Variants in MTMR6 observed in about 807,000 individuals in gnomAD.
MTMR6 encodes phosphatidylinositol-3,5-bisphosphate 3-phosphatase MTMR6.
MTMR6 carries 47 observed loss-of-function variants against 80.1 expected under a neutral mutation model. That is an observed-to-expected ratio of 0.59 (90% CI 0.46 to 0.75). MTMR6 has a LOEUF of 0.75. Among genes scored for constraint, MTMR6 ranks in the 30% least tolerant of loss-of-function variants. The probability of loss-of-function intolerance (pLI) is 0.00; values close to 1 mark genes in which losing one functional copy is unlikely to be tolerated. For synonymous variants in MTMR6, 254 were observed against 253.0 expected (o/e 1.00, Z -0.04); for missense variants, 629 against 730.9 (o/e 0.86, Z 1.61).
In MTMR6 at chr13:25,266,194, C is replaced by T. The variant is rs2137569583; in HGVS notation, c.397G>A (p.Glu133Lys). The T allele has an allele frequency of 6.2e-7, 1 of 1,614,128 alleles. No individual in the cohort carries two copies. The highest frequency in any genetic ancestry group is 2.2e-5 in the East Asian group (1 of 44,878). The change falls in exon 4 of 14, where the codon GAA (glutamate) becomes AAA (lysine). Residue 133 changes from glutamate (E) to lysine (K), a missense_variant. Transcript: ENST00000381801. ...TTTGGCACTCCCATCCTCTTATATT[C>T]CTCAGCGAGATCAATGAGCTGCCAG... is the stretch of plus-strand genomic sequence containing the variant. ...QGWQLIDLAE[E>K]YKRMGVPNSH...
In MTMR6 at chr13:25,254,480, TTTTG is replaced by T. The variant is rs772967687; in HGVS notation, c.1096-50_1096-47del. ...TTCACTTTCTGACTACTTTCAATTA[TTTTG>T]TTTAGGCTGGATTAAATCTTATTAG... On this transcript the variant is annotated intron_variant, in intron 9 of 13. Transcript: ENST00000381801. The T allele has an allele frequency of 2.4e-6, 3 of 1,228,018 alleles. No homozygotes were observed. In the Admixed American group the frequency reaches 5.4e-5, roughly 22 times the overall value. 76.1% of individuals were successfully genotyped at this position (1,228,018 alleles called of 1,614,324 possible). A position where few individuals can be genotyped will look rare whatever the true frequency, so the allele number is the denominator to read the frequency against.
chr13:25,265,973 CA>C (rs1167628673), intron 4 of MTMR6, 26 bp from the exon 5 acceptor site: 2 of 1,608,150 alleles, frequency 1.2e-6, no homozygotes, highest in African/African-American at 2.7e-5. Flanking sequence ...AAAACATAAC[CA>C]TTGTATTCTT....
rs890912317 is a variant in MTMR6 at position 25,249,085 on chromosome 13, G to T, written c.*147C>A. The stretch of plus-strand genomic sequence containing the variant: ...TAAAATGACTTATTTCTCTCACAAG[G>T]GTAGTTATTATCCTTCCTTCAACTA... On this transcript the variant is annotated 3_prime_UTR_variant, in exon 14 of 14. Transcript: ENST00000381801. 1.2e-5 allele frequency: 9 copies of T among 729,536 alleles called. No individual in the cohort carries two copies. In the African/African-American group the frequency reaches 1.6e-4, roughly 13 times the overall value. 45.2% of individuals were successfully genotyped at this position (729,536 alleles called of 1,614,324 possible). A position where few individuals can be genotyped will look rare whatever the true frequency, so the allele number is the denominator to read the frequency against.
rs747865911 is a variant in MTMR6 at position 25,247,493 on chromosome 13, T to G, written c.*1739A>C. ...TGTCTGAAGTTGAAGATTAAGATAA[T>G]AAACCAGAGTTGAATACAAGAAGTC... is the stretch of plus-strand genomic sequence containing the variant. On this transcript the variant is annotated 3_prime_UTR_variant, in exon 14 of 14. Transcript: ENST00000381801. 4 of 152,422 alleles carry G rather than the reference T, an allele frequency of 2.6e-5. No individual in the cohort carries two copies. Among genetic ancestry groups the G allele is most frequent in the Non-Finnish European group, 4.4e-5 (3 of 68,024 alleles). 9.4% of individuals were successfully genotyped at this position (152,422 alleles called of 1,614,324 possible). A position where few individuals can be genotyped will look rare whatever the true frequency, so the allele number is the denominator to read the frequency against.
Position 25,253,900 on chromosome 13 carries a change from C to G in MTMR6, c.1210G>C (p.Val404Leu). The G allele has an allele frequency of 6.2e-7, 1 of 1,614,166 alleles. No individual in the cohort carries two copies. The highest frequency in any genetic ancestry group is 8.5e-7 in the Non-Finnish European group (1 of 1,180,034). ...SPVFTQFLECVWHLTEQFPQA... is the reference protein window; with the variant it reads ...SPVFTQFLECLWHLTEQFPQA... The stretch of plus-strand genomic sequence containing the variant: ...GGAAACTGTTCGGTCAAATGCCACA[C>G]ACATTCCAAGAACTGAGTAAACACT... The change falls in exon 11 of 14, where the codon GTG becomes CTG. Residue 404 changes from valine (V) to leucine (L), a missense_variant. Transcript: ENST00000381801.
chr13:25,284,033 T>C (rs548365707), intron 1 of MTMR6, among the ~76,000 whole-genome samples: 1 of 152,210 alleles, frequency 6.6e-6, no homozygotes, highest in Non-Finnish European at 1.5e-5. Flanking sequence ...TTCATTAGTA[T>C]TCAGCTAAAA....
intron 1 of MTMR6, among the ~76,000 whole-genome samples, chr13:25,275,891 GGGAGA>G (rs1303615017): frequency 2.6e-4 from 31 of 119,254 alleles, no homozygotes; most frequent in African/African-American, 9.3e-4. Context: ...GGGAGGGGAG[GGGAGA>G]GGAGGGGAGG....
At chr13:25,285,660 A>T (rs1957941744) in intron 1 of MTMR6, among the ~76,000 whole-genome samples, 1 of 151,846 alleles carries the variant, frequency 6.6e-6, no homozygotes, top group African/African-American at 2.4e-5. Flanking sequence ...TCAGCCTCTG[A>T]GTAGCTGGGA....
chr13:25,287,400 G>A lies in MTMR6; in HGVS notation c.-153C>T, dbSNP rs930801684. On this transcript the variant is annotated 5_prime_UTR_variant, in exon 1 of 14. Coordinates refer to ENST00000381801, the MANE Select transcript of MTMR6 (RefSeq NM_004685.5). The stretch of plus-strand genomic sequence containing the variant: ...GGCCCCGGTGGCGTCAACGGCGCAG[G>A]TGCAGCCGGTGAGCGCCGTCTCCTA... The A allele has an allele frequency of 2.0e-4, 193 of 984,172 alleles. 1 individual carries two copies. Among genetic ancestry groups the A allele is most frequent in the South Asian group, 1.4e-3 (99 of 69,664 alleles). 61.0% of individuals were successfully genotyped at this position (984,172 alleles called of 1,614,324 possible).
intron 11 of MTMR6, among the ~76,000 whole-genome samples, chr13:25,253,165 G>A (rs947649260): frequency 6.6e-6 from 1 of 152,052 alleles, no homozygotes; most frequent in African/African-American, 2.4e-5. Context: ...CATGAACTAG[G>A]GTCAAGTAGT....
intron 8 of MTMR6, 42 bp downstream of exon 8, chr13:25,257,694 C>T: frequency 1.4e-6 from 2 of 1,425,550 alleles, no homozygotes; most frequent in Non-Finnish European, 2.0e-6. Context: ...CCTTCCCAAT[C>T]ATTATAGACC....
At chr13:25,257,654 G>A in intron 8 of MTMR6, 82 bp downstream of exon 8, 2 of 980,108 alleles carry the variant, frequency 2.0e-6, no homozygotes, top group Non-Finnish European at 3.1e-6. Flanking sequence ...CTGATGAATA[G>A]ATACCAGCCC....
intron 6 of MTMR6, chr13:25,260,577 C>T (rs935125632): frequency 7.8e-7 from 1 of 1,278,944 alleles, no homozygotes; most frequent in Non-Finnish European, 1.0e-6. Flanking sequence ...TGCTCACTCG[C>T]TTTTTCTCAT....
intron 1 of MTMR6, among the ~76,000 whole-genome samples, chr13:25,281,038 G>A (rs1386495198): frequency 6.6e-6 from 1 of 152,120 alleles, no homozygotes; most frequent in Non-Finnish European, 1.5e-5. Flanking sequence ...GAAAATGTTG[G>A]GGCCACTACA....
In MTMR6 at chr13:25,274,087, T is replaced by C; in HGVS notation, c.125A>G (p.His42Arg). ...TATHLLFIDS[H>R]QKETWILHHH... is the part of the protein sequence containing the mutation. ...CCTCCTTACCCAGGTTTCTTTTTGA[T>C]GAGAGTCGATAAATAATAGATGTGT... The change falls in exon 2 of 14, where the codon CAT becomes CGT. Residue 42 changes from histidine to arginine, a missense_variant. Physicochemically the swap from His to Arg is conservative, Grantham distance 29. Transcript: ENST00000381801. 7 of 1,602,616 alleles carry C rather than the reference T, an allele frequency of 4.4e-6. No individual in the cohort carries two copies. The highest frequency in any genetic ancestry group is 6.0e-6 in the Non-Finnish European group (7 of 1,171,576).
intron 6 of MTMR6, 80 bp from the exon 7 acceptor site, chr13:25,258,772 AGTATTTT>A: frequency 7.8e-7 from 1 of 1,285,140 alleles, no homozygotes; most frequent in Non-Finnish European, 1.0e-6. Flanking sequence ...TTAAATAAGC[AGTATTTT>A]AGCTAGGAGG....
chr13:25,281,927 CTTTT>C (rs1052112326), intron 1 of MTMR6, among the ~76,000 whole-genome samples: 7 of 152,122 alleles, frequency 4.6e-5, no homozygotes, highest in African/African-American at 1.7e-4. Context: ...CCAGTGGGCA[CTTTT>C]CAGTTTTTTC....
At chr13:25,260,417 C>T (rs1023299776) in intron 6 of MTMR6, among the ~76,000 whole-genome samples, 6 of 152,150 alleles carry the variant, frequency 3.9e-5, no homozygotes, top group East Asian at 1.9e-4. Context: ...ATCCACCCGC[C>T]GTGGCCTCCC....
chr13:25,267,938 A>C lies in MTMR6; in HGVS notation c.145T>G (p.Leu49Val). The change falls in exon 3 of 14, where the codon TTA becomes GTA. Residue 49 changes from leucine (L) to valine (V), a missense_variant. Transcript: ENST00000381801. ...TCTACTGAGGCAATATGGTGGTGTA[A>C]TATCTACAGCATGAAAAAACATCCA... ...IDSHQKETWI[L>V]HHHIASVEKL... The C allele has an allele frequency of 6.2e-7, 1 of 1,602,182 alleles. No homozygotes were observed. The highest frequency in any genetic ancestry group is 1.7e-5 in the Admixed American group (1 of 57,996).
Sources: gnomAD v4.1 joint callset for allele counts (sites outside exome capture counted in the v4.1 genomes callset) on GRCh38, gnomAD v4.1.1 for gene constraint, MANE v1.5 for transcripts, NCBI Gene and HGNC (gene_info 2026-07-23, HGNC 2026-07-21) for gene names.